The following SDCCAG8 variants were observed in gnomAD, a reference collection of about 807,000 sequenced individuals.
SDCCAG8 encodes the protein serologically defined colon cancer antigen 8.
In SDCCAG8, 74 loss-of-function variants were observed where a neutral mutation model predicts 101.8. That is an observed-to-expected ratio of 0.73 (90% confidence interval 0.60 to 0.88). The LOEUF (loss-of-function observed/expected upper bound fraction) is 0.88, where lower values mean the gene tolerates loss of function less well. Among genes scored for constraint, SDCCAG8 ranks in the 40% least tolerant of loss-of-function variants. The probability of loss-of-function intolerance (pLI) is 0.00; values close to 1 mark genes in which losing one functional copy is unlikely to be tolerated. For synonymous variants in SDCCAG8, 281 were observed against 292.9 expected (o/e 0.96, Z 0.41); for missense variants, 787 against 822.6 (o/e 0.96, Z 0.53).
chr1:243,256,274 A>T lies in SDCCAG8; in HGVS notation c.67+34A>T. ...CTCCAAACCTCTGTCCCTAGCCCCG[A>T]GGTGCCCAGGGCCTAGTGGGCGGGA... On this transcript the variant is annotated intron_variant, in intron 1 of 17. Coordinates refer to ENST00000366541, the MANE Select transcript of SDCCAG8 (RefSeq NM_006642.5). 7 of 1,592,124 alleles carry T rather than the reference A, an allele frequency of 4.4e-6. 1 individual carries two copies. In the African/African-American group the frequency reaches 6.7e-5, roughly 15 times the overall value.
intron 17 of SDCCAG8, among the ~76,000 whole-genome samples, chr1:243,496,776 T>TA (rs1477944444): frequency 6.6e-6 from 1 of 152,250 alleles, no homozygotes; most frequent in Non-Finnish European, 1.5e-5. Flanking sequence ...ACTGATTTCT[T>TA]ACACTCAGAA....
At chr1:243,464,670 C>A (rs1425460577) in intron 16 of SDCCAG8, among the ~76,000 whole-genome samples, 1 of 152,214 alleles carries the variant, frequency 6.6e-6, no homozygotes, top group African/African-American at 2.4e-5. Flanking sequence ...CCTTCGCAGA[C>A]TAACTAAGCT....
At chr1:243,286,509 C>T (rs1034794653) in intron 5 of SDCCAG8, 112 bp downstream of exon 5, 3 of 1,120,926 alleles carry the variant, frequency 2.7e-6, no homozygotes, top group Admixed American at 2.0e-5. Context: ...GGCCAAAGTA[C>T]TATGTTGGTA....
rs193259462 is a variant in SDCCAG8, at chr1:243,301,366, G to T, written c.676-3347G>T. On this transcript the variant is annotated intron_variant, in intron 6 of 17. Coordinates refer to ENST00000366541, the MANE Select transcript of SDCCAG8 (RefSeq NM_006642.5). ...AAAGTGATCTCTTGGTGGTTCTCGT[G>T]TACTTTTCATCATGTTTGGTGCAAT... Among the ~76,000 whole-genome samples the T allele has an allele frequency of 9.5e-4, 144 of 152,122 alleles. 5 individuals carry two copies. The East Asian group carries it at 0.026, about 28-fold the overall frequency.
At chr1:243,347,022 C>T (rs1227508970) in intron 12 of SDCCAG8, among the ~76,000 whole-genome samples, 2 of 152,096 alleles carry the variant, frequency 1.3e-5, no homozygotes, top group Non-Finnish European at 2.9e-5. Context: ...CAGTCCCCTT[C>T]CTCAATCCTA....
intron 16 of SDCCAG8, among the ~76,000 whole-genome samples, chr1:243,460,595 A>G (rs1217397144): frequency 6.6e-6 from 1 of 152,236 alleles, no homozygotes; most frequent in Non-Finnish European, 1.5e-5. Context: ...CCAATTTTCC[A>G]TTTTCACAAG....
At position 243,421,641 on chromosome 1, in the gene SDCCAG8, A is replaced by G. The variant is rs959970543; in HGVS notation, c.1853+3565A>G. Among the ~76,000 whole-genome samples, 11 of 152,190 alleles carry G rather than the reference A, an allele frequency of 7.2e-5. 1 individual carries two copies. Among genetic ancestry groups the G allele is most frequent in the African/African-American group, 2.7e-4 (11 of 41,442 alleles). On this transcript the variant is annotated intron_variant, in intron 15 of 17. Transcript: ENST00000366541. ...ATGGCACGTCCCATTTTAAAACTTAAAATGAACTGCCGATTCTGTGCATGT... is the reference window on the plus strand; with the variant it reads ...ATGGCACGTCCCATTTTAAAACTTAGAATGAACTGCCGATTCTGTGCATGT...
chr1:243,397,792 A>C (rs1163917798), intron 13 of SDCCAG8, among the ~76,000 whole-genome samples: 3 of 152,252 alleles, frequency 2.0e-5, no homozygotes. Flanking sequence ...GACACCTGCA[A>C]ACCCAAGTAC....
At chr1:243,386,163 T>G (rs2078273892) in intron 13 of SDCCAG8, among the ~76,000 whole-genome samples, 1 of 152,166 alleles carries the variant, frequency 6.6e-6, no homozygotes, top group African/African-American at 2.4e-5. Flanking sequence ...AGGTACAGAC[T>G]CCTATTTTCT....
At position 243,458,429 on chromosome 1, in the gene SDCCAG8, A is replaced by G. The variant is rs750157232; in HGVS notation, c.1986-30585A>G. 6.6e-6 allele frequency among the ~76,000 whole-genome samples: 1 copy of G among 152,036 alleles called. No individual in the cohort carries two copies. Among genetic ancestry groups the G allele is most frequent in the Non-Finnish European group, 1.5e-5 (1 of 68,016 alleles). ...ATATAATAAATATATAATAATCGTC[A>G]TTGTAATTCTCATCACTGTAGTAGC... On this transcript the variant is annotated intron_variant, in intron 16 of 17. Coordinates refer to ENST00000366541, the MANE Select transcript of SDCCAG8 (RefSeq NM_006642.5). This position sits in a 1 kb window ranked among gnomAD's most constrained non-coding sequence, Gnocchi z 4.5.
intron 16 of SDCCAG8, among the ~76,000 whole-genome samples, chr1:243,486,724 G>A (rs912354513): frequency 6.6e-5 from 10 of 152,180 alleles, no homozygotes; most frequent in Non-Finnish European, 1.2e-4. Flanking sequence ...TGAGCCCATC[G>A]GTCCAAAGGA....
At chr1:243,476,827 T>C (rs946555312) in intron 16 of SDCCAG8, among the ~76,000 whole-genome samples, 3 of 152,228 alleles carry the variant, frequency 2.0e-5, no homozygotes, top group Non-Finnish European at 4.4e-5. Context: ...GTCAACAAGA[T>C]TAGAATCCAA....
intron 15 of SDCCAG8, among the ~76,000 whole-genome samples, chr1:243,420,961 C>G (rs577573967): frequency 6.6e-6 from 1 of 152,096 alleles, no homozygotes; most frequent in Non-Finnish European, 1.5e-5. Context: ...CAGGAGTGTG[C>G]CTCTGCATAC....
At position 243,270,133 on chromosome 1, in the gene SDCCAG8, G is replaced by C. The variant is rs765951228; in HGVS notation, c.96G>C (p.Leu32=). The C allele has an allele frequency of 1.2e-6, 2 of 1,614,184 alleles. No homozygotes were observed. Among genetic ancestry groups the C allele is most frequent in the Admixed American group, 1.7e-5 (1 of 60,026 alleles). The change falls in exon 2 of 18, where the codon CTG becomes CTC. Residue 32 remains leucine, a synonymous_variant. Transcript: ENST00000366541. ...ATGCCAGCAGAAGCATTCACCAACT[G>C]ACATGTGCCCTGAAAGAAGGCGATG... ...REHASRSIHQ[L]TCALKEGDVT... is the part of the protein sequence containing the mutation.
At chr1:243,446,159 G>T (rs1406349747) in intron 16 of SDCCAG8, among the ~76,000 whole-genome samples, 1 of 152,182 alleles carries the variant, frequency 6.6e-6, no homozygotes, top group Non-Finnish European at 1.5e-5. Context: ...CATTTAGAGA[G>T]CTTCTACTGT....
At chr1:243,339,107 G>A (rs962329697) in intron 10 of SDCCAG8, among the ~76,000 whole-genome samples, 1 of 148,360 alleles carries the variant, frequency 6.7e-6, no homozygotes, top group Non-Finnish European at 1.5e-5. Context: ...AAAGTGGGGT[G>A]GGCGGCAGGA....
chr1:243,273,579 T>C (rs555520283), intron 3 of SDCCAG8, among the ~76,000 whole-genome samples: 1 of 152,314 alleles, frequency 6.6e-6, no homozygotes, highest in East Asian at 1.9e-4. Flanking sequence ...TACACTTGAA[T>C]TGCCTTCAAT....
rs1185037760 is a variant in SDCCAG8, at chr1:243,415,695, T to A, written c.1617-7T>A. On this transcript the variant is annotated splice_region_variant and splice_polypyrimidine_tract_variant and intron_variant, in intron 13 of 17. Transcript: ENST00000366541. Reference sequence around the variant, plus strand: ...AAATTTCTGTATGTCTCCTCTCTGTTTTGCAGACAGGAAAAAGATAGCATT... The same window carrying A: ...AAATTTCTGTATGTCTCCTCTCTGTATTGCAGACAGGAAAAAGATAGCATT... 6.2e-7 allele frequency: 1 copy of A among 1,613,714 alleles called. No individual in the cohort carries two copies. The highest frequency in any genetic ancestry group is 1.1e-5 in the South Asian group (1 of 91,084).
intron 9 of SDCCAG8, among the ~76,000 whole-genome samples, chr1:243,324,107 C>A (rs1398676431): frequency 1.3e-5 from 2 of 152,146 alleles, no homozygotes; most frequent in South Asian, 4.1e-4. Flanking sequence ...CTCTCCTGAG[C>A]CCCAGCCCTA....
Sources: allele counts gnomAD v4.1 joint callset (sites outside exome capture counted in the v4.1 genomes callset), GRCh38; gene constraint gnomAD v4.1.1; non-coding constraint Gnocchi (gnomAD v3.1); transcripts MANE v1.5; gene names NCBI Gene and HGNC (gene_info 2026-07-23, HGNC 2026-07-21).